GRIN2B: variants seen among roughly 807,000 people sequenced by gnomAD.
GRIN2B encodes glutamate ionotropic receptor NMDA type subunit 2B, also known as glutamate receptor ionotropic, NMDA 2B.
GRIN2B carries 5 observed loss-of-function variants against 114.5 expected under a neutral mutation model. The observed-to-expected ratio is 0.04, with a 90% CI of 0.02 to 0.09. The LOEUF is 0.09. GRIN2B is among the 10% of genes least tolerant of loss of function. The pLI is 1.00. For synonymous variants in GRIN2B, 787 were observed against 745.1 expected (o/e 1.06, Z -0.92); for missense variants, 1,108 against 1,943.5 (o/e 0.57, Z 8.08).
Position 13,555,564 on chromosome 12 carries a change from T to C in GRIN2B, c.*7219A>G, listed in dbSNP as rs898222804. On this transcript the variant is annotated 3_prime_UTR_variant, in exon 14 of 14. Transcript: ENST00000609686. ...AAAGATGCAAAAGAGAGAAATACAATTGGCTGGAGAGCACCTCAGAAGAGG... is the reference window on the plus strand; with the variant it reads ...AAAGATGCAAAAGAGAGAAATACAACTGGCTGGAGAGCACCTCAGAAGAGG... 6.6e-6 allele frequency: 1 copy of C among 152,072 alleles called. No individual in the cohort carries two copies. The highest frequency in any genetic ancestry group is 1.5e-5 in the Non-Finnish European group (1 of 68,018). 9.4% of individuals were successfully genotyped at this position (152,072 alleles called of 1,614,324 possible). A position where few individuals can be genotyped will look rare whatever the true frequency, so the allele number is the denominator to read the frequency against.
chr12:13,956,806 T>A (rs548265495), intron 2 of GRIN2B, among the ~76,000 whole-genome samples: 7 of 152,328 alleles, frequency 4.6e-5, no homozygotes, highest in Admixed American at 4.6e-4. Flanking sequence ...AACAGTTAAC[T>A]CTGAGGTTAA....
intron 3 of GRIN2B, among the ~76,000 whole-genome samples, chr12:13,776,650 TA>T (rs1293480574): frequency 2.0e-5 from 3 of 152,086 alleles, no homozygotes; most frequent in Non-Finnish European, 4.4e-5. Context: ...TAAACAAGAT[TA>T]ATACTAAAGC....
chr12:13,569,752 G>T, intron 12 of GRIN2B, 78 bp downstream of exon 12: 3 of 903,812 alleles, frequency 3.3e-6, no homozygotes, highest in East Asian at 2.4e-5. Flanking sequence ...TTAAAGAAAT[G>T]GAAGAAAAGG....
intron 4 of GRIN2B, among the ~76,000 whole-genome samples, chr12:13,739,799 G>T (rs145417246): frequency 1.3e-5 from 2 of 152,168 alleles, no homozygotes; most frequent in Non-Finnish European, 1.5e-5. Flanking sequence ...ACTAGAGGCC[G>T]CTCTGAGCCA....
At chr12:13,849,897 T>C (rs1462755200) in intron 3 of GRIN2B, among the ~76,000 whole-genome samples, 1 of 152,186 alleles carries the variant, frequency 6.6e-6, no homozygotes, top group East Asian at 1.9e-4. Context: ...CTCTCATGCA[T>C]TGCCTGAGCC....
At position 13,539,547 on chromosome 12, in the gene GRIN2B, G is replaced by A. The variant is rs1271839953; in HGVS notation, c.*23236C>T. The A allele has an allele frequency of 6.6e-6, 1 of 152,120 alleles. No homozygotes were observed. The highest frequency in any genetic ancestry group is 1.5e-5 in the Non-Finnish European group (1 of 68,028). 9.4% of individuals were successfully genotyped at this position (152,120 alleles called of 1,614,324 possible). The stretch of plus-strand genomic sequence containing the variant: ...GTAACAGGACTGGGACTGGGAGTGG[G>A]GTGGGAAACAATCAGCAAAACAAGG... On this transcript the variant is annotated 3_prime_UTR_variant, in exon 14 of 14. Transcript: ENST00000609686.
chr12:13,695,619 C>T (rs1306037669), intron 4 of GRIN2B, among the ~76,000 whole-genome samples: 1 of 152,002 alleles, frequency 6.6e-6, no homozygotes, highest in African/African-American at 2.4e-5. Context: ...TCAGGGTGGG[C>T]AGAAGCAATG....
intron 2 of GRIN2B, among the ~76,000 whole-genome samples, chr12:13,873,255 A>G (rs1382626631): frequency 2.0e-5 from 3 of 152,242 alleles, no homozygotes; most frequent in Non-Finnish European, 4.4e-5. Context: ...ATCTTGACTC[A>G]GAATGCTTAG....
intron 4 of GRIN2B, among the ~76,000 whole-genome samples, chr12:13,696,157 T>A (rs1313220263): frequency 6.6e-6 from 1 of 152,144 alleles, no homozygotes; most frequent in Non-Finnish European, 1.5e-5. Flanking sequence ...AAAGGAAGCC[T>A]GGAGCATTAA....
chr12:13,701,660 T>C (rs189062062), intron 4 of GRIN2B, among the ~76,000 whole-genome samples: 493 of 152,238 alleles, frequency 3.2e-3, no homozygotes, highest in Non-Finnish European at 4.8e-3. Context: ...CCAGGCAAGA[T>C]CACAATGGAA....
chr12:13,743,788 C>G (rs965146261), intron 4 of GRIN2B, among the ~76,000 whole-genome samples: 8 of 152,008 alleles, frequency 5.3e-5, no homozygotes, highest in African/African-American at 9.7e-5. Context: ...TATGAAAATC[C>G]TCACTTTAAT....
chr12:13,803,233 C>T (rs1050918054), intron 3 of GRIN2B, among the ~76,000 whole-genome samples: 2 of 152,076 alleles, frequency 1.3e-5, no homozygotes, highest in African/African-American at 4.8e-5. Context: ...AAACAGTAGG[C>T]TGTTAGTAGT....
In GRIN2B at chr12:13,662,515, G is replaced by A. The variant is rs927123393; in HGVS notation, c.1125+13230C>T. Among the ~76,000 whole-genome samples the A allele has an allele frequency of 4.6e-5, 7 of 152,216 alleles. No individual in the cohort carries two copies. The East Asian group carries it at 7.7e-4, about 17-fold the overall frequency. On this transcript the variant is annotated intron_variant, in intron 5 of 13. Coordinates refer to ENST00000609686, the MANE Select transcript of GRIN2B (RefSeq NM_000834.5). ...TGCACCCTGTCTTACCACCTTAAGCGTATATGGCACTATCTGAAATGATCA... is the reference window on the plus strand; with the variant it reads ...TGCACCCTGTCTTACCACCTTAAGCATATATGGCACTATCTGAAATGATCA...
chr12:13,933,987 ATC>A (rs1867083306), intron 2 of GRIN2B, among the ~76,000 whole-genome samples: 1 of 152,238 alleles, frequency 6.6e-6, no homozygotes, highest in Non-Finnish European at 1.5e-5. Flanking sequence ...CTCCTAAAAT[ATC>A]TGTTACCACC....
chr12:13,866,115 G>C lies in GRIN2B; in HGVS notation c.94C>G (p.Pro32Ala), dbSNP rs1383833874. The C allele has an allele frequency of 2.5e-6, 4 of 1,613,764 alleles. No homozygotes were observed. Among genetic ancestry groups the C allele is most frequent in the African/African-American group, 2.7e-5 (2 of 74,902 alleles). Residue 32 changes from proline (P) to alanine (A), a missense_variant, in exon 3 of 14, where the codon CCC (proline) becomes GCC (alanine). Physicochemically the swap from Pro to Ala is conservative, Grantham distance 27. This residue lies in a region of GRIN2B where 46 missense variants were observed against 44.4 expected (regional missense o/e 1.04). Transcript: ENST00000609686. ...SGSRARSQKS[P>A]PSIGIAVILV... is the part of the protein sequence containing the mutation. ...ATGACAGCAATGCCAATGCTGGGGG[G>C]GCTCTTCTGAGAACGAGCTCTGCTG...
At chr12:13,900,198 G>T (rs191489176) in intron 2 of GRIN2B, among the ~76,000 whole-genome samples, 6 of 152,236 alleles carry the variant, frequency 3.9e-5, no homozygotes, top group Admixed American at 3.3e-4. Flanking sequence ...ATAAGGCCGG[G>T]CACGGTGGCT....
At chr12:13,653,214 G>C (rs555804842) in intron 5 of GRIN2B, among the ~76,000 whole-genome samples, 1 of 152,262 alleles carries the variant, frequency 6.6e-6, no homozygotes, top group South Asian at 2.1e-4. Flanking sequence ...CAGTTAAGTA[G>C]ATTGTGATGC....
At chr12:13,675,953 C>G (rs1239815138) in intron 4 of GRIN2B, 94 bp from the exon 5 acceptor site, 4 of 747,610 alleles carry the variant, frequency 5.4e-6, no homozygotes, top group Non-Finnish European at 9.7e-6. Context: ...TGGCTGGAGA[C>G]AGACAAGTAA....
At chr12:13,925,000 C>G (rs1426432507) in intron 2 of GRIN2B, among the ~76,000 whole-genome samples, 2 of 152,148 alleles carry the variant, frequency 1.3e-5, no homozygotes, top group Non-Finnish European at 2.9e-5. Flanking sequence ...GGTAGAAATG[C>G]TAACTGTCCT....
Sources: allele counts gnomAD v4.1 joint callset (sites outside exome capture counted in the v4.1 genomes callset), GRCh38; gene constraint gnomAD v4.1.1; regional missense constraint gnomAD v4.1.1; transcripts MANE v1.5; gene names NCBI Gene and HGNC (gene_info 2026-07-23, HGNC 2026-07-21).